Variants in LRRC4C observed in about 807,000 individuals in gnomAD.
LRRC4C encodes the protein leucine-rich repeat-containing protein 4C.
LRRC4C carries 5 observed loss-of-function variants against 33.6 expected under a neutral mutation model. That is an observed-to-expected ratio of 0.15 (90% CI 0.08 to 0.31). The LOEUF (loss-of-function observed/expected upper bound fraction) is 0.31, where lower values mean the gene tolerates loss of function less well. Among genes scored for constraint, LRRC4C ranks in the 10% least tolerant of loss-of-function variants. The pLI, the probability that LRRC4C is intolerant of heterozygous loss-of-function variation, is 1.00. For missense variants in LRRC4C, 560 were observed against 796.7 expected (o/e 0.70, Z 3.58); for synonymous variants, 329 against 302.0 (o/e 1.09, Z -0.93).
rs75989630 is a variant in LRRC4C at position 41,241,545 on chromosome 11, C to T, written c.-496+217886G>A. Among the ~76,000 whole-genome samples, 890 of 152,138 alleles carry T rather than the reference C, an allele frequency of 5.8e-3. 12 individuals are homozygous for T. Among genetic ancestry groups the T allele is most frequent in the African/African-American group, 0.02 (817 of 41,514 alleles). The stretch of plus-strand genomic sequence containing the variant: ...TCAGAAATTTGAAGGCAAAAAATGA[C>T]GGCAGAAAGCAAGGGCATGAGGATT... On this transcript the variant is annotated intron_variant, in intron 1 of 6. Transcript: ENST00000528697.
At chr11:40,734,514 T>C (rs1216101923) in intron 2 of LRRC4C, among the ~76,000 whole-genome samples, 1 of 152,150 alleles carries the variant, frequency 6.6e-6, no homozygotes, top group Admixed American at 6.5e-5. Flanking sequence ...CAAATTTGCT[T>C]GCAGAAAACA....
chr11:40,479,885 G>A (rs1953455829), intron 3 of LRRC4C, among the ~76,000 whole-genome samples: 1 of 151,986 alleles, frequency 6.6e-6, no homozygotes, highest in Non-Finnish European at 1.5e-5. Context: ...TGTAACATTG[G>A]GAAACCTTAT....
At chr11:41,034,759 T>A (rs1300567951) in intron 1 of LRRC4C, among the ~76,000 whole-genome samples, 1 of 149,002 alleles carries the variant, frequency 6.7e-6, no homozygotes, top group African/African-American at 2.5e-5. Flanking sequence ...TTCATAGTGG[T>A]CAAGTATGCC....
intron 3 of LRRC4C, among the ~76,000 whole-genome samples, chr11:40,453,508 C>A (rs906810349): frequency 2.1e-4 from 32 of 151,152 alleles, no homozygotes; most frequent in Admixed American, 4.0e-4. Context: ...TAATACAATC[C>A]CAATGAATAT....
intron 1 of LRRC4C, among the ~76,000 whole-genome samples, chr11:41,379,024 A>G (rs1413851526): frequency 6.8e-6 from 1 of 146,584 alleles, no homozygotes; most frequent in Admixed American, 6.9e-5. Context: ...TTTTTTCTGT[A>G]TACCCCACCC....
intron 3 of LRRC4C, among the ~76,000 whole-genome samples, chr11:40,586,980 A>G (rs1176324341): frequency 6.6e-6 from 1 of 151,920 alleles, no homozygotes; most frequent in Non-Finnish European, 1.5e-5. Context: ...TTCCATATGA[A>G]CTTTAAAGTA....
chr11:40,700,836 G>A (rs1945831917), intron 2 of LRRC4C, among the ~76,000 whole-genome samples: 1 of 152,072 alleles, frequency 6.6e-6, no homozygotes. Flanking sequence ...TTTAGAAAAA[G>A]CCACAGAAAA....
intron 3 of LRRC4C, among the ~76,000 whole-genome samples, chr11:40,390,231 T>C (rs1044636861): frequency 2.6e-5 from 4 of 152,172 alleles, no homozygotes; most frequent in Admixed American, 2.6e-4. Context: ...ATCACACTTC[T>C]GTCGGTGTTT....
chr11:40,899,006 G>A (rs1037620066), intron 2 of LRRC4C, among the ~76,000 whole-genome samples: 1 of 151,144 alleles, frequency 6.6e-6, no homozygotes, highest in African/African-American at 2.4e-5. Context: ...TTTGACCACA[G>A]AATATACTGC....
intron 4 of LRRC4C, among the ~76,000 whole-genome samples, chr11:40,281,299 ATG>A (rs1174180472): frequency 5.3e-5 from 8 of 152,084 alleles, no homozygotes; most frequent in Non-Finnish European, 1.0e-4. Context: ...CCTCCCCATA[ATG>A]TGTTTGAATT....
Position 40,280,586 on chromosome 11 carries a change from C to T in LRRC4C, c.-175-38988G>A, listed in dbSNP as rs531444488. Among the ~76,000 whole-genome samples the T allele has an allele frequency of 2.6e-5, 4 of 152,206 alleles. No individual in the cohort carries two copies. The East Asian group carries it at 7.8e-4, about 29-fold the overall frequency. On this transcript the variant is annotated intron_variant, in intron 4 of 6. Coordinates refer to ENST00000528697, the MANE Select transcript of LRRC4C (RefSeq NM_001258419.2). ...AGCATAGCTATAAAGAGACAGGAGG[C>T]ATTTCCAACTGCAGATCTCTCTCGG...
intron 1 of LRRC4C, among the ~76,000 whole-genome samples, chr11:41,213,609 A>T (rs1590951885): frequency 1.3e-5 from 2 of 152,286 alleles, no homozygotes; most frequent in South Asian, 4.1e-4. Flanking sequence ...TTGAGCAGGA[A>T]AGTTTCTAGC....
chr11:41,229,462 C>T (rs1172139940), intron 1 of LRRC4C, among the ~76,000 whole-genome samples: 2 of 152,106 alleles, frequency 1.3e-5, no homozygotes, highest in Non-Finnish European at 2.9e-5. Flanking sequence ...CAGTCTATAG[C>T]AACGATCACC....
intron 1 of LRRC4C, among the ~76,000 whole-genome samples, chr11:40,988,779 A>T (rs1409851739): frequency 5.0e-5 from 6 of 119,520 alleles, no homozygotes; most frequent in Non-Finnish European, 9.7e-5. Flanking sequence ...TGCAGTGGGG[A>T]GATCTCGGCC....
At chr11:40,910,273 A>G (rs944392228) in intron 2 of LRRC4C, among the ~76,000 whole-genome samples, 5 of 152,214 alleles carry the variant, frequency 3.3e-5, no homozygotes. Context: ...TCAGCAGTAT[A>G]TATTGAGCAT....
rs1482081471 is a variant in LRRC4C, at chr11:41,459,414, G to A, written c.-496+17C>T. 6.6e-6 allele frequency: 1 copy of A among 152,088 alleles called. No homozygotes were observed. Among genetic ancestry groups the A allele is most frequent in the Non-Finnish European group, 1.5e-5 (1 of 68,038 alleles). 9.4% of individuals were successfully genotyped at this position (152,088 alleles called of 1,614,324 possible). ...CAAGACAACAAGAACTGAGATCTGA[G>A]GAGTCCCGTGACTTACCTTCTTTAT... On this transcript the variant is annotated intron_variant, in intron 1 of 6. Coordinates refer to ENST00000528697, the MANE Select transcript of LRRC4C (RefSeq NM_001258419.2).
At chr11:40,194,459 T>G (rs1213161526) in intron 5 of LRRC4C, among the ~76,000 whole-genome samples, 2 of 152,158 alleles carry the variant, frequency 1.3e-5, no homozygotes, top group Non-Finnish European at 2.9e-5. Context: ...AAAGAGTTCA[T>G]GTCCTTTACA....
rs536111711 is a variant in LRRC4C at position 41,445,866 on chromosome 11, A to ATGTGTGTGTGTGTCTGTGTG, written c.-496+13564_-496+13565insCACACAGACACACACACACA. On this transcript the variant is annotated intron_variant, in intron 1 of 6. Transcript: ENST00000528697. ...ACAGTGTGTATGAATGAGTGACTGCATGTGTGTGTGTGTGTGTGTGTGTGT... is the reference window on the plus strand; with the variant it reads ...ACAGTGTGTATGAATGAGTGACTGCATGTGTGTGTGTGTCTGTGTGTGTGTGTGTGTGTGTGTGTGTGTGT... Among the ~76,000 whole-genome samples, 139 of 149,838 alleles carry ATGTGTGTGTGTGTCTGTGTG rather than the reference A, an allele frequency of 9.3e-4. 1 individual carries two copies. The highest frequency in any genetic ancestry group is 1.2e-3 in the East Asian group (6 of 5,022).
intron 3 of LRRC4C, among the ~76,000 whole-genome samples, chr11:40,626,816 G>C (rs1370145431): frequency 1.3e-5 from 2 of 152,176 alleles, no homozygotes; most frequent in Non-Finnish European, 2.9e-5. Context: ...AGTCTCCTCA[G>C]ATGAATATTC....
Sources: allele counts gnomAD v4.1 joint callset (sites outside exome capture counted in the v4.1 genomes callset), GRCh38; gene constraint gnomAD v4.1.1; transcripts MANE v1.5; gene names NCBI Gene and HGNC (gene_info 2026-07-23, HGNC 2026-07-21).